Variants in CNOT8 observed in about 807,000 individuals in gnomAD.
CNOT8 encodes CCR4-NOT transcription complex subunit 8.
A neutral mutation model predicts 34.6 loss-of-function variants in CNOT8; 18 were observed. The observed-to-expected ratio is 0.52, with a 90% CI of 0.36 to 0.77. CNOT8 has a LOEUF of 0.77. Among genes scored for constraint, CNOT8 ranks in the 30% least tolerant of loss-of-function variants. The pLI is 0.00. For synonymous variants in CNOT8, 101 were observed against 118.8 expected (o/e 0.85, Z 0.98); for missense variants, 189 against 347.9 (o/e 0.54, Z 3.63).
chr5:154,870,264 T>A (rs1762363549), intron 3 of CNOT8, among the ~76,000 whole-genome samples: 1 of 151,960 alleles, frequency 6.6e-6, no homozygotes, highest in Non-Finnish European at 1.5e-5. Context: ...GTTTTGTTTT[T>A]TTTGAGACGG....
chr5:154,865,096 CTT>C, intron 2 of CNOT8, 94 bp from the exon 3 acceptor site: 1 of 1,100,822 alleles, frequency 9.1e-7, no homozygotes. Context: ...TGCCACATAA[CTT>C]TTATAAATGG....
chr5:154,863,201 A>G lies in CNOT8; in HGVS notation c.-72-6A>G, dbSNP rs1761521040. On this transcript the variant is annotated splice_region_variant and splice_polypyrimidine_tract_variant and intron_variant, in intron 1 of 6. Coordinates refer to ENST00000285896, the MANE Select transcript of CNOT8 (RefSeq NM_001301073.2). The stretch of plus-strand genomic sequence containing the variant: ...TTACATGATTTTAAAATGTTTTACA[A>G]TCTAGATCAGACCAAACATTGTCTG... 4 of 948,626 alleles carry G rather than the reference A, an allele frequency of 4.2e-6. No homozygotes were observed. Among genetic ancestry groups the G allele is most frequent in the Admixed American group, 1.7e-5 (1 of 58,144 alleles). 58.8% of individuals were successfully genotyped at this position (948,626 alleles called of 1,614,324 possible). A position where few individuals can be genotyped will look rare whatever the true frequency, so the allele number is the denominator to read the frequency against.
Position 154,875,573 on chromosome 5 carries a change from T to A in CNOT8, c.*134T>A. ...ACCATCTGCATTGAGCAGAAAGACT[T>A]TTGTTTTACTGAAGACAAAAGATGT... On this transcript the variant is annotated 3_prime_UTR_variant, in exon 7 of 7. Transcript: ENST00000285896. 1.1e-6 allele frequency: 1 copy of A among 944,956 alleles called. No individual in the cohort carries two copies. The highest frequency in any genetic ancestry group is 1.5e-6 in the Non-Finnish European group (1 of 661,066). 58.5% of individuals were successfully genotyped at this position (944,956 alleles called of 1,614,324 possible).
At chr5:154,861,844 G>A (rs575132298) in intron 1 of CNOT8, among the ~76,000 whole-genome samples, 19 of 152,172 alleles carry the variant, frequency 1.2e-4, no homozygotes, top group African/African-American at 3.6e-4. Context: ...GACTGCAGGC[G>A]CGTGCCACCA....
At chr5:154,862,932 A>T (rs1196452846) in intron 1 of CNOT8, among the ~76,000 whole-genome samples, 1 of 152,208 alleles carries the variant, frequency 6.6e-6, no homozygotes, top group Non-Finnish European at 1.5e-5. Flanking sequence ...GAGAGCTGAA[A>T]AACTAGGGTA....
At chr5:154,864,100 A>G (rs1158378804) in intron 2 of CNOT8, among the ~76,000 whole-genome samples, 2 of 152,006 alleles carry the variant, frequency 1.3e-5, no homozygotes, top group African/African-American at 4.8e-5. Flanking sequence ...TACTTGTACT[A>G]TTTTCATACC....
rs2544872 is a variant in CNOT8, at chr5:154,875,933, C to T, written c.*494C>T. 7,606 of 153,472 alleles carry T rather than the reference C, an allele frequency of 0.05. 322 individuals carry two copies. Among genetic ancestry groups the T allele is most frequent in the African/African-American group, 0.12 (5,082 of 41,534 alleles). 9.5% of individuals were successfully genotyped at this position (153,472 alleles called of 1,614,324 possible). On this transcript the variant is annotated 3_prime_UTR_variant, in exon 7 of 7. Coordinates refer to ENST00000285896, the MANE Select transcript of CNOT8 (RefSeq NM_001301073.2). ...GGTTGTAGATACTGAGTCTTCCTTT[C>T]CTTTTCTGACCCTTCTCGAGGACAT...
intron 3 of CNOT8, 104 bp downstream of exon 3, chr5:154,865,489 C>T: frequency 1.5e-6 from 1 of 689,616 alleles, no homozygotes; most frequent in East Asian, 3.0e-5. Flanking sequence ...CAGGGAATCT[C>T]AGCAAGTGAA....
intron 3 of CNOT8, among the ~76,000 whole-genome samples, chr5:154,870,212 CTTTG>C (rs1192252869): frequency 3.3e-5 from 5 of 150,154 alleles, no homozygotes; most frequent in South Asian, 2.1e-4. Flanking sequence ...CCTGGCTAAT[CTTTG>C]TTTGTGTGTG....
intron 2 of CNOT8, 137 bp from the exon 3 acceptor site, chr5:154,865,054 AC>A: frequency 1.3e-6 from 1 of 745,788 alleles, no homozygotes; most frequent in Non-Finnish European, 2.2e-6. Flanking sequence ...TCAAAAAAAC[AC>A]AAAAAGAATT....
intron 2 of CNOT8, among the ~76,000 whole-genome samples, chr5:154,863,887 AT>A (rs1438564344): frequency 1.3e-5 from 2 of 152,178 alleles, no homozygotes; most frequent in Admixed American, 1.3e-4. Flanking sequence ...AATTTTAAAA[AT>A]TTATTGCCAG....
At chr5:154,875,196 C>T (rs564924597) in intron 6 of CNOT8, 94 bp from the exon 7 acceptor site, 219 of 1,376,672 alleles carry the variant, frequency 1.6e-4, no homozygotes, top group Middle Eastern at 9.3e-4. Flanking sequence ...GGATTCCAGA[C>T]GTGAGCCATT....
intron 1 of CNOT8, among the ~76,000 whole-genome samples, chr5:154,860,692 C>T (rs1761249325): frequency 6.6e-6 from 1 of 152,110 alleles, no homozygotes; most frequent in South Asian, 2.1e-4. Flanking sequence ...GTGCATAGTG[C>T]GATTCCTCTT....
At chr5:154,872,747 T>G in intron 6 of CNOT8, 96 bp downstream of exon 6, 1 of 472,896 alleles carries the variant, frequency 2.1e-6, no homozygotes, top group Non-Finnish European at 3.7e-6. Flanking sequence ...TGAGGTTTGT[T>G]GAACATTTAT....
intron 4 of CNOT8, 53 bp downstream of exon 4, chr5:154,870,875 G>C (rs1305256087): frequency 6.7e-7 from 1 of 1,490,156 alleles, no homozygotes; most frequent in African/African-American, 1.4e-5. Context: ...CACTGAAGCA[G>C]GGAATTGAAT....
chr5:154,868,371 C>G (rs759778857), intron 3 of CNOT8, among the ~76,000 whole-genome samples: 1 of 147,618 alleles, frequency 6.8e-6, no homozygotes, highest in African/African-American at 2.5e-5. Context: ...CAGGTTCAAG[C>G]AATTCTCTGC....
chr5:154,874,801 G>C (rs1276012586), intron 6 of CNOT8, among the ~76,000 whole-genome samples: 6 of 151,898 alleles, frequency 4.0e-5, no homozygotes, highest in Non-Finnish European at 8.8e-5. Context: ...CCAAAGTGCT[G>C]GGATTACAGG....
At chr5:154,862,944 TG>T (rs1348906838) in intron 1 of CNOT8, among the ~76,000 whole-genome samples, 1 of 152,178 alleles carries the variant, frequency 6.6e-6, no homozygotes. Flanking sequence ...ACTAGGGTAG[TG>T]GTTTCACTTC....
intron 1 of CNOT8, chr5:154,859,064 C>T (rs1395497848): frequency 6.6e-6 from 1 of 152,178 alleles, no homozygotes; most frequent in East Asian, 1.9e-4. Flanking sequence ...AAAACCGAGG[C>T]ACGAAATAGA....
Sources: allele counts gnomAD v4.1 joint callset (sites outside exome capture counted in the v4.1 genomes callset), GRCh38; gene constraint gnomAD v4.1.1; transcripts MANE v1.5; gene names NCBI Gene and HGNC (gene_info 2026-07-23, HGNC 2026-07-21).